DNAH5: variants seen among roughly 807,000 people sequenced by gnomAD.
DNAH5 encodes the protein dynein axonemal heavy chain 5.
Under a neutral mutation model 518.2 loss-of-function variants are expected in DNAH5, and 372 were observed. The ratio of observed to expected loss-of-function variants is 0.72; its 90% confidence interval spans 0.66 to 0.78. DNAH5 has a LOEUF of 0.78. Among genes scored for constraint, DNAH5 ranks in the 30% least tolerant of loss-of-function variants. DNAH5 has a pLI of 0.00. For missense variants in DNAH5, 5,523 were observed against 5,687.0 expected, an observed-to-expected ratio of 0.97 and a Z score of 0.93; for synonymous variants, 2,039 against 2,025.9, an observed-to-expected ratio of 1.01 and a Z score of -0.17.
At chr5:13,864,928 A>C (rs1481277199) in intron 27 of DNAH5, among the ~76,000 whole-genome samples, 1 of 152,066 alleles carries the variant, frequency 6.6e-6, no homozygotes, top group South Asian at 2.1e-4. Context: ...AATTCTACAA[A>C]CATGTACTGA....
At position 13,848,057 on chromosome 5, in the gene DNAH5, T is replaced by C. The variant is rs79775037; in HGVS notation, c.5114+2595A>G. ...GCTGGGTCTATATCCAAGAACTGTT[T>C]AGTGGTGCCTGAACTGCATTTGGTC... On this transcript the variant is annotated intron_variant, in intron 31 of 78. Transcript: ENST00000265104. Among the ~76,000 whole-genome samples, 1,461 of 152,298 alleles carry C rather than the reference T, an allele frequency of 9.6e-3. 25 individuals carry two copies. Among genetic ancestry groups the C allele is most frequent in the African/African-American group, 0.033 (1,387 of 41,542 alleles).
rs772067393 is a variant in DNAH5 at position 13,727,684 on chromosome 5, G to A, written c.11884-28C>T. On this transcript the variant is annotated intron_variant, in intron 69 of 78. Coordinates refer to ENST00000265104, the MANE Select transcript of DNAH5 (RefSeq NM_001369.3). ...GAAAATACCATGGGATAAAAACTGT[G>A]TCATGCCACCCAACAATCTTTCAGT... 8 of 1,613,338 alleles carry A rather than the reference G, an allele frequency of 5.0e-6. No homozygotes were observed. In the South Asian group the frequency reaches 7.7e-5, roughly 16 times the overall value.
chr5:13,718,826 G>A, intron 72 of DNAH5, 56 bp downstream of exon 72: 1 of 1,438,972 alleles, frequency 6.9e-7, no homozygotes, highest in Non-Finnish European at 9.8e-7. Context: ...AATTTTTTTA[G>A]GAAAACAATT....
chr5:13,856,581 C>T (rs767957536), intron 30 of DNAH5, among the ~76,000 whole-genome samples: 1 of 152,126 alleles, frequency 6.6e-6, no homozygotes, highest in African/African-American at 2.4e-5. Context: ...AAATTTAGGC[C>T]AATATCTCTT....
intron 40 of DNAH5, among the ~76,000 whole-genome samples, chr5:13,821,605 C>G (rs1762246566): frequency 6.6e-6 from 1 of 152,122 alleles, no homozygotes; most frequent in African/African-American, 2.4e-5. Flanking sequence ...AGTTCAAATC[C>G]ATGGTCTATG....
intron 11 of DNAH5, among the ~76,000 whole-genome samples, chr5:13,913,290 C>A (rs1776242072): frequency 6.6e-6 from 1 of 152,014 alleles, no homozygotes; most frequent in Non-Finnish European, 1.5e-5. Flanking sequence ...AGGGAAATCA[C>A]ATCTAGAATA....
chr5:13,759,273 T>G (rs544867008), intron 60 of DNAH5, among the ~76,000 whole-genome samples: 6 of 152,216 alleles, frequency 3.9e-5, no homozygotes, highest in Admixed American at 1.3e-4. Context: ...TTATTGTTCA[T>G]GTACTTATTT....
At chr5:13,918,564 G>A (rs764657899) in intron 7 of DNAH5, among the ~76,000 whole-genome samples, 10 of 152,082 alleles carry the variant, frequency 6.6e-5, no homozygotes, top group Admixed American at 1.3e-4. Context: ...TCCACCTCCC[G>A]GGTTCAAGCG....
intron 58 of DNAH5, among the ~76,000 whole-genome samples, chr5:13,768,305 T>A (rs1752787895): frequency 6.6e-6 from 1 of 152,164 alleles, no homozygotes; most frequent in African/African-American, 2.4e-5. Context: ...TCCCCTGATC[T>A]CTCTCCCGCC....
rs774855042 is a variant in DNAH5, at chr5:13,865,761, C to T, written c.4262G>A (p.Ser1421Asn). ...LLQKIYTLYN[S>N]VIETVNSYYD... ...ATAGCTATTTACAGTTTCTATGACACTGTTGTACAGAGTATATATTTTCTG... is the reference window on the plus strand; with the variant it reads ...ATAGCTATTTACAGTTTCTATGACATTGTTGTACAGAGTATATATTTTCTG... The change falls in exon 27 of 79, where the codon AGT becomes AAT. Residue 1421 changes from serine (S) to asparagine (N), a missense_variant. Transcript: ENST00000265104. 2.5e-5 allele frequency: 41 copies of T among 1,610,374 alleles called. No homozygotes were observed. The highest frequency in any genetic ancestry group is 3.4e-5 in the Non-Finnish European group (40 of 1,176,794).
rs541311818 is a variant in DNAH5, at chr5:13,713,206, G to A, written c.13125+1199C>T. ...ATACGGACATATATATGTATATACC[G>A]ACATATATATATACCGACATATATA... On this transcript the variant is annotated intron_variant, in intron 75 of 78. Transcript: ENST00000265104. 1.3e-4 allele frequency among the ~76,000 whole-genome samples: 18 copies of A among 133,338 alleles called. 1 individual carries two copies. The highest frequency in any genetic ancestry group is 1.3e-3 in the East Asian group (6 of 4,638). 87.5% of individuals were successfully genotyped at this position (133,338 alleles called of 152,430 possible).
At chr5:13,969,465 T>A (rs897910165) in intron 1 of DNAH5, among the ~76,000 whole-genome samples, 1 of 152,210 alleles carries the variant, frequency 6.6e-6, no homozygotes, top group Non-Finnish European at 1.5e-5. Context: ...GCTAGGAACT[T>A]TCCTTTTGGC....
At chr5:13,957,586 T>C (rs1780846562) in intron 1 of DNAH5, among the ~76,000 whole-genome samples, 1 of 151,696 alleles carries the variant, frequency 6.6e-6, no homozygotes, top group Non-Finnish European at 1.5e-5. Flanking sequence ...TTATAAATAA[T>C]AAAATATATC....
In DNAH5 at chr5:13,792,156, AG is replaced by A. The variant is rs1283445725; in HGVS notation, c.8285del (p.Ser2762LeufsTer2). The A allele has an allele frequency of 1.9e-6, 3 of 1,613,956 alleles. No homozygotes were observed. Among genetic ancestry groups the A allele is most frequent in the Non-Finnish European group, 2.5e-6 (3 of 1,179,972 alleles). On this transcript the variant is annotated frameshift_variant, in exon 50 of 79. Coordinates refer to ENST00000265104, the MANE Select transcript of DNAH5 (RefSeq NM_001369.3). LOFTEE classifies it high-confidence loss of function. ...QRGFSEEVRD[S>X]VTKLVPLTRR... ...GTGTCAGAGGCACCAATTTTGTCACAGAATCTCTCACTTCTTCTGAGAAACC... is the reference window on the plus strand; with the variant it reads ...GTGTCAGAGGCACCAATTTTGTCACAAATCTCTCACTTCTTCTGAGAAACC...
intron 60 of DNAH5, among the ~76,000 whole-genome samples, chr5:13,761,553 A>G (rs1751777369): frequency 6.7e-6 from 1 of 148,672 alleles, no homozygotes; most frequent in African/African-American, 2.5e-5. Flanking sequence ...AGATCAAGCC[A>G]CTGCACTCCA....
At chr5:13,920,723 C>T (rs1777162685) in intron 5 of DNAH5, 106 bp from the exon 6 acceptor site, 6 of 1,285,052 alleles carry the variant, frequency 4.7e-6, no homozygotes, top group East Asian at 4.8e-5. Flanking sequence ...CTCTGGAAAG[C>T]CCACCAGGTA....
rs750809719 is a variant in DNAH5 at position 13,780,832 on chromosome 5, G to A, written c.8948C>T (p.Thr2983Met). 6.8e-6 allele frequency: 11 copies of A among 1,613,352 alleles called. No individual in the cohort carries two copies. The highest frequency in any genetic ancestry group is 3.3e-5 in the Admixed American group (2 of 59,966). Residue 2983 changes from threonine (T) to methionine (M), a missense_variant, in exon 53 of 79, where the codon ACG becomes ATG. This residue lies in a region of DNAH5 where 5,121 missense variants were observed against 5,223.3 expected (regional missense o/e 0.98). Transcript: ENST00000265104. ...TGTTAAAGTAAAAGGTTGTCACCTC[G>A]TCAGAGTGATCTGGAAGGAAACGTA... Reference protein sequence around the residue: ...AGYVSFQITLTRSYNTSNLME... With the variant: ...AGYVSFQITLMRSYNTSNLME...
chr5:13,777,225 T>C lies in DNAH5; in HGVS notation c.9082A>G (p.Asn3028Asp), dbSNP rs1204713876. 6.2e-7 allele frequency: 1 copy of C among 1,612,898 alleles called. No individual in the cohort carries two copies. Among genetic ancestry groups the C allele is most frequent in the South Asian group, 1.1e-5 (1 of 91,058 alleles). Residue 3028 changes from asparagine (N) to aspartate (D), a missense_variant, in exon 54 of 79, where the codon AAC becomes GAC. Asn to Asp is a conservative substitution (Grantham distance 23, BLOSUM62 1). Transcript: ENST00000265104. ...IKDESFLEYM[N>D]NVLSSGEVSN... ...ACCTCACCTGATGATAAAACATTGT[T>C]CATATATTCCAAAAATGACTCATCT...
intron 76 of DNAH5, among the ~76,000 whole-genome samples, chr5:13,706,368 C>G (rs1742789412): frequency 6.6e-6 from 1 of 152,142 alleles, no homozygotes; most frequent in Non-Finnish European, 1.5e-5. Flanking sequence ...AGTGATCTGT[C>G]AGGTCAGCCC....
Sources: gnomAD v4.1 joint callset for allele counts (sites outside exome capture counted in the v4.1 genomes callset) on GRCh38, gnomAD v4.1.1 for gene constraint, gnomAD v4.1.1 regional missense constraint, MANE v1.5 for transcripts, NCBI Gene and HGNC (gene_info 2026-07-23, HGNC 2026-07-21) for gene names.